Variants in PYGB observed in about 807,000 individuals in gnomAD.
The protein encoded by PYGB is glycogen phosphorylase B, also known as glycogen phosphorylase, brain form.
Under a neutral mutation model 94.3 loss-of-function variants are expected in PYGB, and 82 were observed. That is an observed-to-expected ratio of 0.87 (90% confidence interval 0.73 to 1.04). The LOEUF (loss-of-function observed/expected upper bound fraction) is 1.04. Among genes scored for constraint, PYGB ranks in the 50% least tolerant of loss-of-function variants. The pLI is 0.00. For missense variants in PYGB, 1,132 were observed against 1,158.2 expected, an observed-to-expected ratio of 0.98 and a Z score of 0.33; for synonymous variants, 488 against 479.1, an observed-to-expected ratio of 1.02 and a Z score of -0.24.
intron 14 of PYGB, among the ~76,000 whole-genome samples, chr20:25,286,253 G>T (rs1242999407): frequency 1.3e-5 from 2 of 152,234 alleles, no homozygotes; most frequent in Non-Finnish European, 2.9e-5. Flanking sequence ...CTGGGCTGCA[G>T]TGTGGCGTGA....
intron 4 of PYGB, among the ~76,000 whole-genome samples, chr20:25,273,643 C>T (rs1221139429): frequency 6.6e-6 from 1 of 152,122 alleles, no homozygotes; most frequent in African/African-American, 2.4e-5. Flanking sequence ...ATCTGCAGGG[C>T]CGCTTTTAGT....
intron 2 of PYGB, among the ~76,000 whole-genome samples, chr20:25,262,025 G>A (rs2092914702): frequency 1.3e-5 from 2 of 152,138 alleles, no homozygotes; most frequent in South Asian, 4.1e-4. Context: ...AAAGTGATGG[G>A]GAGAATGGCA....
chr20:25,256,922 AAAAGTCTGGTATGGTGAGGG>A (rs1404038878), intron 1 of PYGB, among the ~76,000 whole-genome samples: 1 of 152,214 alleles, frequency 6.6e-6, no homozygotes, highest in African/African-American at 2.4e-5. Flanking sequence ...TTTCTCCTTG[AAAAGTCTGGTATGGTGAGGG>A]GAACCAGCCT....
chr20:25,288,294 C>T lies in PYGB; in HGVS notation c.1769-131C>T, dbSNP rs770010461. On this transcript the variant is annotated intron_variant, in intron 14 of 19. Coordinates refer to ENST00000216962, the MANE Select transcript of PYGB (RefSeq NM_002862.4). ...GGCCCTGTGCCACTGTCACCCGTGT[C>T]TCTGGGGCTTGAAGTACATGGCGGA... 2.6e-5 allele frequency: 27 copies of T among 1,049,724 alleles called. No individual in the cohort carries two copies. In the African/African-American group the frequency reaches 3.8e-4, roughly 15 times the overall value. The allele number at this position is 1,049,724 out of a possible 1,614,324, so 65.0% of individuals were successfully genotyped here.
Position 25,271,487 on chromosome 20 carries a change from G to A in PYGB, c.528+1G>A, listed in dbSNP as rs1325286283. On this transcript the variant is annotated splice_donor_variant, in intron 4 of 19. Transcript: ENST00000216962. LOFTEE classifies it high-confidence loss of function. ...CCAGAAGATTGTCAATGGCTGGCAGGTGGGTGAGATTTCATTTCTTCACTG... is the reference window on the plus strand; with the variant it reads ...CCAGAAGATTGTCAATGGCTGGCAGATGGGTGAGATTTCATTTCTTCACTG... 3 of 1,610,476 alleles carry A rather than the reference G, an allele frequency of 1.9e-6. No homozygotes were observed. Among genetic ancestry groups the A allele is most frequent in the Non-Finnish European group, 8.5e-7 (1 of 1,176,604 alleles).
chr20:25,259,623 G>A (rs1017196531), intron 2 of PYGB, among the ~76,000 whole-genome samples: 5 of 152,164 alleles, frequency 3.3e-5, no homozygotes, highest in Non-Finnish European at 7.3e-5. Context: ...CACCTCCGGG[G>A]CGGATTTAGA....
At chr20:25,294,892 G>A in intron 18 of PYGB, 1 of 1,499,776 alleles carries the variant, frequency 6.7e-7, no homozygotes, top group Admixed American at 1.7e-5. Flanking sequence ...GAATTCACCT[G>A]CCCTCCACTT....
At position 25,283,161 on chromosome 20, in the gene PYGB, C is replaced by T; in HGVS notation, c.1519-15C>T. The T allele has an allele frequency of 6.2e-7, 1 of 1,607,288 alleles. No homozygotes were observed. The highest frequency in any genetic ancestry group is 8.5e-7 in the Non-Finnish European group (1 of 1,174,066). On this transcript the variant is annotated splice_polypyrimidine_tract_variant and intron_variant, in intron 12 of 19. Coordinates refer to ENST00000216962, the MANE Select transcript of PYGB (RefSeq NM_002862.4). ...GGCTGAGGCCCACAGTGAGCGGAACCTTTACGTTCTCCAGAAAATTGGGGA... is the reference window on the plus strand; with the variant it reads ...GGCTGAGGCCCACAGTGAGCGGAACTTTTACGTTCTCCAGAAAATTGGGGA...
intron 1 of PYGB, among the ~76,000 whole-genome samples, chr20:25,253,047 T>A (rs1368989256): frequency 6.6e-6 from 1 of 152,230 alleles, no homozygotes; most frequent in East Asian, 1.9e-4. Flanking sequence ...TTATTGCTCT[T>A]ATCACTTAGG....
At chr20:25,272,675 G>A (rs2123552627) in intron 4 of PYGB, among the ~76,000 whole-genome samples, 1 of 152,356 alleles carries the variant, frequency 6.6e-6, no homozygotes, top group Non-Finnish European at 1.5e-5. Flanking sequence ...TCCATTGCTT[G>A]ATTTGTGGAG....
At chr20:25,290,038 T>C (rs2088451716) in intron 15 of PYGB, 4 of 469,842 alleles carry the variant, frequency 8.5e-6, no homozygotes. Flanking sequence ...GGCCGTGGTG[T>C]CTCAGTTCTC....
At chr20:25,263,953 C>T (rs1298649756) in intron 2 of PYGB, among the ~76,000 whole-genome samples, 1 of 152,168 alleles carries the variant, frequency 6.6e-6, no homozygotes, top group Non-Finnish European at 1.5e-5. Flanking sequence ...CATCCTGATA[C>T]CAAAGCCTGG....
intron 3 of PYGB, among the ~76,000 whole-genome samples, chr20:25,269,863 T>C (rs1279578127): frequency 6.6e-6 from 1 of 152,112 alleles, no homozygotes; most frequent in Non-Finnish European, 1.5e-5. Context: ...CCTTTTGGGG[T>C]GTTCCAGGTC....
At chr20:25,276,805 TC>T in intron 6 of PYGB, 48 bp downstream of exon 6, 1 of 1,535,702 alleles carries the variant, frequency 6.5e-7, no homozygotes, top group Non-Finnish European at 9.0e-7. Context: ...GGGTGGCTGG[TC>T]CCAGACACCC....
chr20:25,259,166 G>A (rs536407148), intron 1 of PYGB, 71 bp from the exon 2 acceptor site: 19 of 1,324,434 alleles, frequency 1.4e-5, no homozygotes, highest in African/African-American at 4.4e-5. Context: ...TTCATGGGTC[G>A]TGTCATCTCT....
intron 16 of PYGB, 36 bp from the exon 17 acceptor site, chr20:25,292,370 C>T (rs762796343): frequency 1.8e-5 from 29 of 1,607,354 alleles, no homozygotes; most frequent in Admixed American, 5.0e-5. Flanking sequence ...CATTGGGGTC[C>T]TCACAGTGAT....
Position 25,295,587 on chromosome 20 carries a change from CCTTT to C in PYGB, c.2313-14_2313-11del. The C allele has an allele frequency of 6.8e-6, 11 of 1,612,682 alleles. No homozygotes were observed. The highest frequency in any genetic ancestry group is 9.3e-6 in the Non-Finnish European group (11 of 1,178,916). On this transcript the variant is annotated splice_polypyrimidine_tract_variant and intron_variant, in intron 18 of 19. Coordinates refer to ENST00000216962, the MANE Select transcript of PYGB (RefSeq NM_002862.4). Reference sequence around the variant, plus strand: ...GCTCCCTGCTGCCCTGGCCCAGCCTCCTTTCTCCCATTCCAGGTTCAAGGTGTTT... The same window carrying C: ...GCTCCCTGCTGCCCTGGCCCAGCCTCCTCCCATTCCAGGTTCAAGGTGTTT...
intron 3 of PYGB, 39 bp from the exon 4 acceptor site, chr20:25,271,344 T>C (rs1447783638): frequency 1.9e-6 from 3 of 1,596,588 alleles, no homozygotes; most frequent in Non-Finnish European, 2.6e-6. Flanking sequence ...CTTGGTGCCG[T>C]GCCTTTGATT....
At chr20:25,282,294 GC>G (rs2088375508) in intron 12 of PYGB, 147 bp downstream of exon 12, 13 of 687,758 alleles carry the variant, frequency 1.9e-5, no homozygotes, top group Non-Finnish European at 3.1e-5. Context: ...TGAGGGCTGA[GC>G]CCCTGAACAT....
Sources: allele counts gnomAD v4.1 joint callset (sites outside exome capture counted in the v4.1 genomes callset), GRCh38; gene constraint gnomAD v4.1.1; transcripts MANE v1.5; gene names NCBI Gene and HGNC (gene_info 2026-07-23, HGNC 2026-07-21).